Variants in CTNNA3 observed in about 807,000 individuals in gnomAD.
CTNNA3 encodes the protein catenin alpha-3.
In CTNNA3, 76 loss-of-function variants were observed where a neutral mutation model predicts 95.7. The observed-to-expected ratio is 0.79, with a 90% CI of 0.66 to 0.96. The LOEUF (loss-of-function observed/expected upper bound fraction) is 0.96. Ranked by LOEUF, CTNNA3 falls within the 40% of genes least tolerant of loss-of-function variation. The pLI is 0.00. For synonymous variants in CTNNA3, 431 were observed against 374.4 expected (o/e 1.15, Z -1.74); for missense variants, 1,191 against 1,089.8 (o/e 1.09, Z -1.31).
At chr10:67,061,262 A>C (rs1040421858) in intron 7 of CTNNA3, among the ~76,000 whole-genome samples, 2 of 152,148 alleles carry the variant, frequency 1.3e-5, no homozygotes, top group Non-Finnish European at 2.9e-5. Flanking sequence ...CTCCCCAACT[A>C]TTAGCTTATT....
At chr10:65,942,865 A>T (rs1468883798) in intron 17 of CTNNA3, among the ~76,000 whole-genome samples, 3 of 152,156 alleles carry the variant, frequency 2.0e-5, no homozygotes, top group African/African-American at 7.2e-5. Context: ...TACCTCACGG[A>T]CCAGTTACTC....
At chr10:66,819,744 A>C (rs1320005395) in intron 7 of CTNNA3, among the ~76,000 whole-genome samples, 1 of 152,204 alleles carries the variant, frequency 6.6e-6, no homozygotes, top group Non-Finnish European at 1.5e-5. Context: ...ACTCAGTATC[A>C]ATTGTCATTA....
rs922807814 is a variant in CTNNA3, at chr10:66,351,786, C to T, written c.1732+27366G>A. Among the ~76,000 whole-genome samples the T allele has an allele frequency of 1.3e-5, 2 of 151,832 alleles. 1 individual carries two copies. Among genetic ancestry groups the T allele is most frequent in the Non-Finnish European group, 2.9e-5 (2 of 67,886 alleles). ...CTAATTAAGTGTGTGAAATTTTCAT[C>T]ATGTAATATTAAAGATCTCTCATAT... On this transcript the variant is annotated intron_variant, in intron 12 of 17. Coordinates refer to ENST00000433211, the MANE Select transcript of CTNNA3 (RefSeq NM_013266.4).
intron 10 of CTNNA3, among the ~76,000 whole-genome samples, chr10:66,548,743 T>G (rs1453848110): frequency 6.6e-6 from 1 of 152,068 alleles, no homozygotes; most frequent in Non-Finnish European, 1.5e-5. Flanking sequence ...GATTTTTGAG[T>G]CTTACAGCAA....
chr10:66,356,414 T>C (rs1243559349), intron 12 of CTNNA3, among the ~76,000 whole-genome samples: 1 of 151,604 alleles, frequency 6.6e-6, no homozygotes, highest in Non-Finnish European at 1.5e-5. Flanking sequence ...CAGCAATTAT[T>C]TTTTTTTAGA....
intron 1 of CTNNA3, among the ~76,000 whole-genome samples, chr10:67,703,617 G>C (rs1300235017): frequency 5.9e-5 from 9 of 152,102 alleles, no homozygotes; most frequent in Admixed American, 1.3e-4. Context: ...GTATCGATGG[G>C]ATGTATCTCA....
intron 10 of CTNNA3, among the ~76,000 whole-genome samples, chr10:66,589,354 G>A (rs1490104656): frequency 6.6e-6 from 1 of 152,010 alleles, no homozygotes; most frequent in East Asian, 1.9e-4. Flanking sequence ...CTTTGATTGT[G>A]GCAATATATA....
chr10:66,234,788 T>C (rs1365350902), intron 13 of CTNNA3, among the ~76,000 whole-genome samples: 1 of 152,204 alleles, frequency 6.6e-6, no homozygotes. Context: ...GCTTGAACTA[T>C]TAACTTGTTT....
chr10:66,182,510 C>T (rs2086104242), intron 13 of CTNNA3, among the ~76,000 whole-genome samples: 1 of 152,080 alleles, frequency 6.6e-6, no homozygotes, highest in Non-Finnish European at 1.5e-5. Context: ...CCGCCTCGGC[C>T]TCCCAAAGTG....
intron 5 of CTNNA3, among the ~76,000 whole-genome samples, chr10:67,311,978 C>T (rs532838008): frequency 6.6e-6 from 1 of 152,080 alleles, no homozygotes; most frequent in African/African-American, 2.4e-5. Context: ...CACACGCACA[C>T]GTACCACCTC....
chr10:66,599,088 C>G (rs1843825253), intron 10 of CTNNA3, among the ~76,000 whole-genome samples: 1 of 151,802 alleles, frequency 6.6e-6, no homozygotes, highest in Non-Finnish European at 1.5e-5. Flanking sequence ...AGAAATAAAC[C>G]CTTGCATATA....
At chr10:67,708,217 A>G (rs1205847246) in intron 1 of CTNNA3, among the ~76,000 whole-genome samples, 1 of 152,180 alleles carries the variant, frequency 6.6e-6, no homozygotes, top group African/African-American at 2.4e-5. Context: ...TCTTGCTGTT[A>G]GTCAATAACC....
chr10:66,314,508 T>C (rs2092071541), intron 12 of CTNNA3, among the ~76,000 whole-genome samples: 1 of 152,098 alleles, frequency 6.6e-6, no homozygotes, highest in Admixed American at 6.5e-5. Flanking sequence ...TCTTCTTCTC[T>C]TCCCTCAAGG....
intron 7 of CTNNA3, among the ~76,000 whole-genome samples, chr10:66,895,054 C>CAAAAAAAAAAAAA (rs537843933): frequency 1.3e-3 from 150 of 115,418 alleles, no homozygotes; most frequent in African/African-American, 2.3e-3. Flanking sequence ...AACAAATAAA[C>CAAAAAAAAAAAAA]AAAAAAAAAA....
chr10:66,621,614 A>G, intron 10 of CTNNA3, 78 bp downstream of exon 10: 2 of 816,512 alleles, frequency 2.4e-6, no homozygotes, highest in South Asian at 1.9e-5. Context: ...AGAAAAAAAA[A>G]TAGTGTATTT....
intron 7 of CTNNA3, among the ~76,000 whole-genome samples, chr10:67,137,816 A>G (rs1178085221): frequency 6.6e-6 from 1 of 152,104 alleles, no homozygotes; most frequent in Non-Finnish European, 1.5e-5. Flanking sequence ...CTGCCAATGT[A>G]GTGATTATAT....
At chr10:66,668,816 A>C (rs959878269) in intron 9 of CTNNA3, among the ~76,000 whole-genome samples, 1 of 152,022 alleles carries the variant, frequency 6.6e-6, no homozygotes, top group South Asian at 2.1e-4. Flanking sequence ...TGTCTCAAAA[A>C]TAAATAAATA....
intron 8 of CTNNA3, 77 bp from the exon 9 acceptor site, chr10:66,766,493 T>G (rs935358790): frequency 7.8e-7 from 1 of 1,275,008 alleles, no homozygotes; most frequent in Non-Finnish European, 1.1e-6. Flanking sequence ...ACAATCTCAG[T>G]AGTTACACAA....
At chr10:66,863,422 T>TC (rs1844033393) in intron 7 of CTNNA3, among the ~76,000 whole-genome samples, 1 of 151,934 alleles carries the variant, frequency 6.6e-6, no homozygotes, top group African/African-American at 2.4e-5. Flanking sequence ...TTTGCAATAA[T>TC]CCAGGCAAGA....
Sources: gnomAD v4.1 joint callset for allele counts (sites outside exome capture counted in the v4.1 genomes callset) on GRCh38, gnomAD v4.1.1 for gene constraint, MANE v1.5 for transcripts, NCBI Gene and HGNC (gene_info 2026-07-23, HGNC 2026-07-21) for gene names.